The following XYLT1 variants were observed in gnomAD, a reference collection of about 807,000 sequenced individuals.
XYLT1 encodes the protein xylosyltransferase 1, also known as beta-D-xylosyltransferase 1.
A neutral mutation model predicts 91.3 loss-of-function variants in XYLT1; 36 were observed. The observed-to-expected ratio is 0.39, with a 90% CI of 0.30 to 0.52. The LOEUF (loss-of-function observed/expected upper bound fraction) is 0.52. XYLT1 is among the 20% of genes least tolerant of loss of function. The pLI, the probability that XYLT1 is intolerant of heterozygous loss-of-function variation, is 0.68. For synonymous variants in XYLT1, 588 were observed against 532.0 expected (o/e 1.11, Z -1.45); for missense variants, 1,242 against 1,284.5 (o/e 0.97, Z 0.51).
intron 5 of XYLT1, among the ~76,000 whole-genome samples, chr16:17,164,600 C>A (rs1040609082): frequency 6.6e-6 from 1 of 152,280 alleles, no homozygotes; most frequent in East Asian, 1.9e-4. Context: ...TTCTAGGTAC[C>A]TGACATAAGT....
At chr16:17,442,068 C>G (rs532473618) in intron 1 of XYLT1, among the ~76,000 whole-genome samples, 44 of 152,262 alleles carry the variant, frequency 2.9e-4, no homozygotes, top group Admixed American at 7.2e-4. Context: ...GCTTCTTGAG[C>G]TGGGAAACCT....
At chr16:17,126,714 A>C (rs2030273021) in intron 10 of XYLT1, among the ~76,000 whole-genome samples, 1 of 152,224 alleles carries the variant, frequency 6.6e-6, no homozygotes. Flanking sequence ...CTTAGCACTT[A>C]GGGATGTGAG....
At chr16:17,316,273 G>A (rs1424356243) in intron 2 of XYLT1, among the ~76,000 whole-genome samples, 1 of 152,184 alleles carries the variant, frequency 6.6e-6, no homozygotes, top group East Asian at 1.9e-4. Context: ...GTTATTGGCA[G>A]CATGTATTTA....
chr16:17,394,784 C>T (rs1249684462), intron 1 of XYLT1, among the ~76,000 whole-genome samples: 1 of 152,148 alleles, frequency 6.6e-6, no homozygotes, highest in Non-Finnish European at 1.5e-5. Context: ...TCAGCACCTA[C>T]CCCTTAGAGG....
intron 2 of XYLT1, among the ~76,000 whole-genome samples, chr16:17,316,702 C>A (rs567840094): frequency 6.6e-6 from 1 of 151,262 alleles, no homozygotes; most frequent in Non-Finnish European, 1.5e-5. Context: ...CAGCCAGGAT[C>A]CCTGCTCTTG....
intron 1 of XYLT1, among the ~76,000 whole-genome samples, chr16:17,362,031 C>T (rs544035810): frequency 3.9e-5 from 6 of 152,264 alleles, no homozygotes; most frequent in Admixed American, 1.3e-4. Context: ...AGACTGGTAA[C>T]CTGTCCGAGT....
At chr16:17,218,946 G>A (rs750620673) in intron 3 of XYLT1, among the ~76,000 whole-genome samples, 43 of 152,088 alleles carry the variant, frequency 2.8e-4, no homozygotes, top group Non-Finnish European at 5.7e-4. Flanking sequence ...GAGGTGGAGG[G>A]GGAAGACAGC....
At chr16:17,135,010 A>C (rs2030657775) in intron 8 of XYLT1, among the ~76,000 whole-genome samples, 1 of 152,202 alleles carries the variant, frequency 6.6e-6, no homozygotes, top group African/African-American at 2.4e-5. Flanking sequence ...TAAATAAACT[A>C]AATAATTTTA....
At chr16:17,271,534 C>T (rs1394454250) in intron 2 of XYLT1, among the ~76,000 whole-genome samples, 2 of 152,190 alleles carry the variant, frequency 1.3e-5, no homozygotes, top group African/African-American at 2.4e-5. Context: ...AAGCCTTCTG[C>T]GTACCTCTCA....
rs1341679636 is a variant in XYLT1, at chr16:17,108,685, G to A, written c.*10C>T. On this transcript the variant is annotated 3_prime_UTR_variant, in exon 12 of 12. Transcript: ENST00000261381. ...GAGATCCTGCTGTGGCCCACTCCTC[G>A]TGCCCAGTGCTACCTGAGCCGGCCA... 1.2e-5 allele frequency: 19 copies of A among 1,552,438 alleles called. No individual in the cohort carries two copies. The highest frequency in any genetic ancestry group is 3.5e-5 in the Admixed American group (2 of 57,636).
intron 1 of XYLT1, among the ~76,000 whole-genome samples, chr16:17,422,006 G>A (rs1265641582): frequency 4.0e-5 from 6 of 151,630 alleles, no homozygotes; most frequent in African/African-American, 7.3e-5. Flanking sequence ...TTTTTGAGAC[G>A]GAGTCTTGCT....
intron 3 of XYLT1, among the ~76,000 whole-genome samples, chr16:17,230,036 G>A (rs1409154778): frequency 6.6e-6 from 1 of 152,220 alleles, no homozygotes; most frequent in Non-Finnish European, 1.5e-5. Context: ...AGGAACGCCA[G>A]CAGCAACTGG....
intron 1 of XYLT1, among the ~76,000 whole-genome samples, chr16:17,437,556 A>G (rs1287124415): frequency 6.6e-6 from 1 of 152,182 alleles, no homozygotes; most frequent in Non-Finnish European, 1.5e-5. Context: ...CTACATTGCA[A>G]TGCTCAGAGT....
chr16:17,316,099 C>G (rs2034627100), intron 2 of XYLT1, among the ~76,000 whole-genome samples: 1 of 152,226 alleles, frequency 6.6e-6, no homozygotes, highest in South Asian at 2.1e-4. Flanking sequence ...CCACTCACAA[C>G]ACAAACTATT....
At chr16:17,444,417 C>T (rs1036659146) in intron 1 of XYLT1, among the ~76,000 whole-genome samples, 2 of 152,112 alleles carry the variant, frequency 1.3e-5, no homozygotes, top group Admixed American at 6.5e-5. Context: ...CTCACTGTAA[C>T]CTCAAACTCC....
intron 1 of XYLT1, among the ~76,000 whole-genome samples, chr16:17,403,275 C>A (rs1475546178): frequency 2.0e-5 from 3 of 152,154 alleles, no homozygotes. Context: ...AAAGGGCAGG[C>A]GTCTTGCCCA....
chr16:17,443,749 T>A (rs1374338811), intron 1 of XYLT1, among the ~76,000 whole-genome samples: 1 of 152,008 alleles, frequency 6.6e-6, no homozygotes, highest in Admixed American at 6.6e-5. Context: ...CTAGCAGGAG[T>A]GGGACATTAT....
chr16:17,345,292 C>T (rs1339698638), intron 2 of XYLT1, among the ~76,000 whole-genome samples: 1 of 152,220 alleles, frequency 6.6e-6, no homozygotes, highest in African/African-American at 2.4e-5. Context: ...CCAAAAACAT[C>T]CTGGTATTTC....
chr16:17,420,966 C>T (rs1340443484), intron 1 of XYLT1, among the ~76,000 whole-genome samples: 1 of 152,172 alleles, frequency 6.6e-6, no homozygotes, highest in Non-Finnish European at 1.5e-5. Context: ...TGGGCCCACA[C>T]CAAACACCAA....
Sources: gnomAD v4.1 joint callset for allele counts (sites outside exome capture counted in the v4.1 genomes callset) on GRCh38, gnomAD v4.1.1 for gene constraint, MANE v1.5 for transcripts, NCBI Gene and HGNC (gene_info 2026-07-23, HGNC 2026-07-21) for gene names.